HPSE2: variants seen among roughly 807,000 people sequenced by gnomAD.
The protein encoded by HPSE2 is heparanase 2 (inactive).
Under a neutral mutation model 60.5 loss-of-function variants are expected in HPSE2, and 38 were observed. The observed-to-expected ratio is 0.63, with a 90% CI of 0.48 to 0.82. HPSE2 has a LOEUF of 0.82. Among genes scored for constraint, HPSE2 ranks in the 40% least tolerant of loss-of-function variants. The probability of loss-of-function intolerance (pLI) is 0.00; values close to 1 mark genes in which losing one functional copy is unlikely to be tolerated. For synonymous variants in HPSE2, 295 were observed against 293.2 expected, an observed-to-expected ratio of 1.01 and a Z score of -0.06; for missense variants, 713 against 740.4, an observed-to-expected ratio of 0.96 and a Z score of 0.43.
intron 3 of HPSE2, among the ~76,000 whole-genome samples, chr10:99,090,452 G>A (rs1341358776): frequency 2.6e-5 from 4 of 152,032 alleles, no homozygotes; most frequent in African/African-American, 9.7e-5. Flanking sequence ...ACTGCAACAA[G>A]ACCTTCCCAA....
chr10:98,749,605 T>A (rs1949708033), intron 3 of HPSE2, among the ~76,000 whole-genome samples: 1 of 151,308 alleles, frequency 6.6e-6, no homozygotes. Flanking sequence ...CAATACACAC[T>A]CAGTAGAAAT....
At chr10:98,651,753 C>T (rs1946921465) in intron 6 of HPSE2, among the ~76,000 whole-genome samples, 1 of 151,082 alleles carries the variant, frequency 6.6e-6, no homozygotes, top group Non-Finnish European at 1.5e-5. Flanking sequence ...AAGGGTAGAT[C>T]CCCTTTAAAG....
chr10:98,626,808 T>C (rs998038934), intron 7 of HPSE2, among the ~76,000 whole-genome samples: 1 of 152,136 alleles, frequency 6.6e-6, no homozygotes, highest in Non-Finnish European at 1.5e-5. Context: ...AGTCTCGCTC[T>C]GTTGCCCAGG....
intron 3 of HPSE2, among the ~76,000 whole-genome samples, chr10:99,094,968 G>A (rs1387692657): frequency 6.6e-5 from 10 of 151,966 alleles, no homozygotes; most frequent in African/African-American, 1.4e-4. Flanking sequence ...TGGGAGGATC[G>A]CTTGAGGTCA....
At chr10:99,123,352 T>C (rs1048108990) in intron 3 of HPSE2, among the ~76,000 whole-genome samples, 18 of 152,164 alleles carry the variant, frequency 1.2e-4, no homozygotes, top group Admixed American at 5.2e-4. Context: ...GGTTAAAATA[T>C]ACAAACCCCA....
intron 4 of HPSE2, among the ~76,000 whole-genome samples, chr10:98,739,907 C>T (rs1335259600): frequency 6.6e-6 from 1 of 152,030 alleles, no homozygotes; most frequent in African/African-American, 2.4e-5. Context: ...GAACAAACAC[C>T]ATTTCCCTGA....
intron 2 of HPSE2, among the ~76,000 whole-genome samples, chr10:99,166,384 C>CT (rs1041151206): frequency 2.2e-4 from 33 of 152,176 alleles, no homozygotes; most frequent in Admixed American, 1.4e-3. Flanking sequence ...AACTGTCAAA[C>CT]TTTTTTCCAG....
rs1303057198 is a variant in HPSE2, at chr10:99,156,746, G to A, written c.449-12347C>T. ...ATTCAACATAGTGTTGAAAGTTCTG[G>A]CCAGGGCAATTAGGCAGGAGAAGGA... is the stretch of plus-strand genomic sequence containing the variant. On this transcript the variant is annotated intron_variant, in intron 2 of 11. Coordinates refer to ENST00000370552, the MANE Select transcript of HPSE2 (RefSeq NM_021828.5). 7.7e-5 allele frequency among the ~76,000 whole-genome samples: 10 copies of A among 129,932 alleles called. No individual in the cohort carries two copies. The Admixed American group carries it at 8.1e-4, about 10-fold the overall frequency. 85.2% of individuals were successfully genotyped at this position (129,932 alleles called of 152,430 possible). A position where few individuals can be genotyped will look rare whatever the true frequency, so the allele number is the denominator to read the frequency against.
chr10:98,958,739 T>C (rs1398088572), intron 3 of HPSE2, among the ~76,000 whole-genome samples: 1 of 152,140 alleles, frequency 6.6e-6, no homozygotes, highest in Non-Finnish European at 1.5e-5. Context: ...GCTTATATGA[T>C]ACTTATATGC....
chr10:98,514,821 C>G lies in HPSE2; in HGVS notation c.1321-24625G>C, dbSNP rs550822038. 2.7e-5 allele frequency among the ~76,000 whole-genome samples: 4 copies of G among 147,716 alleles called. No homozygotes were observed. In the East Asian group the frequency reaches 8.2e-4, roughly 30 times the overall value. Reference sequence around the variant, plus strand: ...GCAACCTCCACCTACCTGGATCAAGCAATTCCTCTGCCTCAGCCTCCCAAG... The same window carrying G: ...GCAACCTCCACCTACCTGGATCAAGGAATTCCTCTGCCTCAGCCTCCCAAG... On this transcript the variant is annotated intron_variant, in intron 9 of 11. Coordinates refer to ENST00000370552, the MANE Select transcript of HPSE2 (RefSeq NM_021828.5).
chr10:98,733,121 T>C (rs1018900365), intron 4 of HPSE2, among the ~76,000 whole-genome samples: 1 of 152,052 alleles, frequency 6.6e-6, no homozygotes, highest in Non-Finnish European at 1.5e-5. Flanking sequence ...TTATTTACTA[T>C]TGTGTGTGTA....
chr10:99,160,260 G>T (rs1345945278), intron 2 of HPSE2, among the ~76,000 whole-genome samples: 4 of 151,896 alleles, frequency 2.6e-5, no homozygotes, highest in African/African-American at 9.7e-5. Context: ...TTTTAAAATG[G>T]ACAAAAGATC....
intron 2 of HPSE2, 152 bp downstream of exon 2, chr10:99,232,196 C>G: frequency 9.7e-7 from 1 of 1,035,170 alleles, no homozygotes. Context: ...CAAATCTGCC[C>G]CAACGCGCGC....
chr10:98,848,694 G>A (rs1303273700), intron 3 of HPSE2, among the ~76,000 whole-genome samples: 1 of 152,142 alleles, frequency 6.6e-6, no homozygotes, highest in Non-Finnish European at 1.5e-5. Flanking sequence ...CAGGACCTGA[G>A]ACAATGGCAG....
At chr10:98,566,689 T>C (rs1252496650) in intron 9 of HPSE2, among the ~76,000 whole-genome samples, 2 of 152,168 alleles carry the variant, frequency 1.3e-5, no homozygotes, top group African/African-American at 2.4e-5. Flanking sequence ...TGAGACAGCA[T>C]GAGCTGGAGA....
intron 7 of HPSE2, among the ~76,000 whole-genome samples, chr10:98,640,483 T>C (rs969419215): frequency 2.0e-5 from 3 of 152,154 alleles, no homozygotes; most frequent in Admixed American, 6.5e-5. Flanking sequence ...CTGTTTATAA[T>C]CTGAGTATGA....
intron 3 of HPSE2, among the ~76,000 whole-genome samples, chr10:98,830,451 A>C (rs915283034): frequency 3.3e-5 from 5 of 152,186 alleles, no homozygotes; most frequent in Non-Finnish European, 5.9e-5. Flanking sequence ...GGCAAAGGAC[A>C]CCTATAATTC....
At chr10:98,845,428 T>C (rs986303839) in intron 3 of HPSE2, among the ~76,000 whole-genome samples, 33 of 152,232 alleles carry the variant, frequency 2.2e-4, no homozygotes, top group Admixed American at 6.5e-4. Flanking sequence ...CTTTTGAGCA[T>C]TGGATCTATA....
intron 9 of HPSE2, among the ~76,000 whole-genome samples, chr10:98,495,984 T>C (rs984497969): frequency 6.6e-6 from 1 of 152,174 alleles, no homozygotes; most frequent in Admixed American, 6.5e-5. Flanking sequence ...TTGAATCTAA[T>C]AATGTGGTGA....
Sources: allele counts gnomAD v4.1 joint callset (sites outside exome capture counted in the v4.1 genomes callset), GRCh38; gene constraint gnomAD v4.1.1; transcripts MANE v1.5; gene names NCBI Gene and HGNC (gene_info 2026-07-23, HGNC 2026-07-21).